The following FAM53A variants were observed in gnomAD, a reference collection of about 807,000 sequenced individuals.
The protein encoded by FAM53A is protein FAM53A.
FAM53A carries 28 observed loss-of-function variants against 26.6 expected under a neutral mutation model. That is an observed-to-expected ratio of 1.05 (90% confidence interval 0.78 to 1.45). The LOEUF is 1.45. Among genes scored for constraint, FAM53A ranks in the 40% most tolerant of loss-of-function variants. The probability of loss-of-function intolerance (pLI) is 0.00; values close to 1 mark genes in which losing one functional copy is unlikely to be tolerated. For missense variants in FAM53A, 650 were observed against 575.8 expected, an observed-to-expected ratio of 1.13 and a Z score of -1.32; for synonymous variants, 290 against 253.1, an observed-to-expected ratio of 1.15 and a Z score of -1.38.
chr4:1,666,552 C>T (rs190391379), intron 2 of FAM53A, among the ~76,000 whole-genome samples: 91 of 152,384 alleles, frequency 6.0e-4, no homozygotes, highest in African/African-American at 2.2e-3. Flanking sequence ...AGGCATGCTG[C>T]GTAGCCACCT....
At chr4:1,632,752 C>T (rs2108777657) in intron 1 of FAM53A, among the ~76,000 whole-genome samples, 1 of 152,362 alleles carries the variant, frequency 6.6e-6, no homozygotes, top group African/African-American at 2.4e-5. Flanking sequence ...CAGGCACACA[C>T]TACACAGTGC....
At chr4:1,646,182 C>T (rs1318763464) in intron 4 of FAM53A, among the ~76,000 whole-genome samples, 1 of 151,994 alleles carries the variant, frequency 6.6e-6, no homozygotes, top group Non-Finnish European at 1.5e-5. Flanking sequence ...CTCACTGCAA[C>T]CTCCGCCTCC....
At chr4:1,667,081 T>C (rs1348512368) in intron 2 of FAM53A, among the ~76,000 whole-genome samples, 1 of 151,384 alleles carries the variant, frequency 6.6e-6, no homozygotes, top group Non-Finnish European at 1.5e-5. Context: ...TGAGCCGAGA[T>C]TGTGCCATTG....
At chr4:1,617,105 C>T (rs1714837917), downstream of FAM53A, among the ~76,000 whole-genome samples, 1 of 150,892 alleles carries the variant, frequency 6.6e-6, no homozygotes, top group Admixed American at 6.6e-5. Flanking sequence ...CCACTGCACT[C>T]CAGGCAACAG....
At chr4:1,621,096 C>T (rs553216660) in intron 1 of FAM53A, among the ~76,000 whole-genome samples, 69 of 102,896 alleles carry the variant, frequency 6.7e-4, no homozygotes, top group South Asian at 2.7e-3. Flanking sequence ...GAGTCAGCTA[C>T]GCTACTTTTT....
chr4:1,606,070 G>A, the FAM53A span, among the ~76,000 whole-genome samples: 17 of 141,610 alleles, frequency 1.2e-4, no homozygotes, highest in East Asian at 3.4e-3. Context: ...ATGGAGTCTC[G>A]CTCTGTCGCC....
At chr4:1,646,758 G>T (rs938012746) in intron 4 of FAM53A, among the ~76,000 whole-genome samples, 1 of 152,190 alleles carries the variant, frequency 6.6e-6, no homozygotes, top group Non-Finnish European at 1.5e-5. Context: ...CCCCAAAGCT[G>T]CCTGCCTGTC....
the FAM53A span, among the ~76,000 whole-genome samples, chr4:1,579,212 C>G: frequency 6.6e-6 from 1 of 150,776 alleles, no homozygotes; most frequent in African/African-American, 2.4e-5. Flanking sequence ...GCCCCCGCCC[C>G]TAGCCGCCAT....
intron 1 of FAM53A, among the ~76,000 whole-genome samples, chr4:1,633,038 G>A (rs28526161): frequency 2.3e-5 from 3 of 132,648 alleles, no homozygotes; most frequent in Admixed American, 7.5e-5. Context: ...ATGCTCACAC[G>A]CATAGGTACA....
At chr4:1,627,536 C>A (rs1397184550) in intron 1 of FAM53A, among the ~76,000 whole-genome samples, 1 of 152,180 alleles carries the variant, frequency 6.6e-6, no homozygotes, top group African/African-American at 2.4e-5. Flanking sequence ...CCCAGCAGAC[C>A]CTGCCAGGCT....
chr4:1,674,727 A>T (rs558567074), intron 1 of FAM53A, among the ~76,000 whole-genome samples: 95 of 152,228 alleles, frequency 6.2e-4, no homozygotes, highest in Middle Eastern at 6.8e-3. Context: ...ATAAAGTCAC[A>T]TTTGCAAGTA....
At chr4:1,620,558 C>T (rs1220204037) in intron 1 of FAM53A, among the ~76,000 whole-genome samples, 3 of 151,760 alleles carry the variant, frequency 2.0e-5, no homozygotes, top group African/African-American at 7.3e-5. Flanking sequence ...CCACATAGGA[C>T]GCCTGTAATC....
At chr4:1,685,035 C>T (rs1715725624), upstream of FAM53A, among the ~76,000 whole-genome samples, 1 of 152,120 alleles carries the variant, frequency 6.6e-6, no homozygotes, top group Non-Finnish European at 1.5e-5. Flanking sequence ...AGCAAATTCC[C>T]AGGAAGGGGG....
intron 2 of FAM53A, among the ~76,000 whole-genome samples, chr4:1,657,993 G>A (rs1292675594): frequency 6.6e-6 from 1 of 150,640 alleles, no homozygotes; most frequent in Non-Finnish European, 1.5e-5. Context: ...TAAAAGAGCT[G>A]TTAACACTAA....
At chr4:1,611,605 G>A in the FAM53A span, among the ~76,000 whole-genome samples, 6 of 152,258 alleles carry the variant, frequency 3.9e-5, 1 homozygote, top group South Asian at 1.0e-3. Flanking sequence ...ACCAAGGCCT[G>A]GGCGGGCAGC....
the FAM53A span, among the ~76,000 whole-genome samples, chr4:1,604,360 G>A: frequency 1.3e-5 from 2 of 152,170 alleles, no homozygotes; most frequent in Non-Finnish European, 2.9e-5. Context: ...GGTTGGGGTG[G>A]GGGCACCCAG....
intron 2 of FAM53A, among the ~76,000 whole-genome samples, chr4:1,663,841 A>T (rs1577137836): frequency 2.9e-5 from 2 of 69,828 alleles, no homozygotes; most frequent in Non-Finnish European, 3.8e-5. Flanking sequence ...CCCTGTCTTT[A>T]AAAAAAAAAA....
At chr4:1,615,492 C>T (rs1714781218), downstream of FAM53A, among the ~76,000 whole-genome samples, 1 of 148,924 alleles carries the variant, frequency 6.7e-6, no homozygotes, top group African/African-American at 2.5e-5. Context: ...ACGCCCACCT[C>T]ACCTGGGCAC....
chr4:1,599,497 G>A, the FAM53A span, among the ~76,000 whole-genome samples: 1 of 152,202 alleles, frequency 6.6e-6, no homozygotes, highest in Non-Finnish European at 1.5e-5. The surrounding 1 kb of genome is among the most constrained non-coding windows in gnomAD (Gnocchi z 6.1). Context: ...GCACTGGACA[G>A]GAGGCTGGGG....
Sources: gnomAD v4.1 joint callset for allele counts (sites outside exome capture counted in the v4.1 genomes callset) on GRCh38, gnomAD v4.1.1 for gene constraint, Gnocchi (gnomAD v3.1) non-coding constraint, MANE v1.5 for transcripts, NCBI Gene and HGNC (gene_info 2026-07-23, HGNC 2026-07-21) for gene names.